Variants in NCALD observed in about 807,000 individuals in gnomAD.
NCALD encodes neurocalcin delta.
In NCALD, 10 loss-of-function variants were observed where a neutral mutation model predicts 18.6. That is an observed-to-expected ratio of 0.54 (90% CI 0.33 to 0.91). The LOEUF (loss-of-function observed/expected upper bound fraction) is 0.91. Among genes scored for constraint, NCALD ranks in the 40% least tolerant of loss-of-function variants. NCALD has a pLI of 0.03. For synonymous variants in NCALD, 88 were observed against 87.4 expected (o/e 1.01, Z -0.04); for missense variants, 184 against 247.6 (o/e 0.74, Z 1.72).
At chr8:102,018,730 GT>G (rs1441221601) in intron 2 of NCALD, among the ~76,000 whole-genome samples, 1 of 152,132 alleles carries the variant, frequency 6.6e-6, no homozygotes, top group Non-Finnish European at 1.5e-5. Flanking sequence ...TTTACCATGT[GT>G]TAATCATACC....
chr8:101,707,134 T>C (rs1267592899), intron 2 of NCALD, among the ~76,000 whole-genome samples: 1 of 152,082 alleles, frequency 6.6e-6, no homozygotes, highest in Non-Finnish European at 1.5e-5. Flanking sequence ...CTCCTTTTTT[T>C]CCCCCAGAAT....
intron 1 of NCALD, among the ~76,000 whole-genome samples, chr8:102,051,678 G>A (rs1206024602): frequency 2.0e-5 from 3 of 152,096 alleles, no homozygotes. Context: ...ATGTTCCTGA[G>A]CTGACATTTG....
intron 2 of NCALD, among the ~76,000 whole-genome samples, chr8:101,999,417 G>C (rs1200526731): frequency 6.6e-6 from 1 of 152,154 alleles, no homozygotes; most frequent in Non-Finnish European, 1.5e-5. Flanking sequence ...AGTAACTCAG[G>C]AATGGAAAAC....
At chr8:101,936,025 G>A (rs1818750727) in intron 2 of NCALD, among the ~76,000 whole-genome samples, 1 of 152,038 alleles carries the variant, frequency 6.6e-6, no homozygotes, top group African/African-American at 2.4e-5. Flanking sequence ...CAGATGCAGG[G>A]AGGTGAATAG....
intron 1 of NCALD, among the ~76,000 whole-genome samples, chr8:102,057,285 C>CACACACACACAT (rs1318802584): frequency 1.3e-5 from 2 of 151,074 alleles, no homozygotes; most frequent in African/African-American, 4.9e-5. Context: ...CACACACACA[C>CACACACACACAT]ATATGTACAT....
In NCALD at chr8:102,014,399, G is replaced by A. The variant is rs113458647; in HGVS notation, c.-157+5838C>T. Among the ~76,000 whole-genome samples the A allele has an allele frequency of 4.0e-3, 612 of 152,112 alleles. 4 individuals carry two copies. Among genetic ancestry groups the A allele is most frequent in the African/African-American group, 0.014 (571 of 41,492 alleles). ...TTCATGATCTAATCACCTCCCAAAG[G>A]CTCTCCCTCTTAAAACCATCTCTTT... On this transcript the variant is annotated intron_variant, in intron 2 of 6. Coordinates refer to the NCALD transcript ENST00000311028.
intron 4 of NCALD, among the ~76,000 whole-genome samples, chr8:101,838,347 G>A (rs767623958): frequency 8.5e-5 from 13 of 152,074 alleles, no homozygotes; most frequent in Non-Finnish European, 1.3e-4. Context: ...TCAGCCTCCC[G>A]AGTAGCTGGG....
chr8:102,071,721 G>A (rs1013410539), intron 1 of NCALD, among the ~76,000 whole-genome samples: 11 of 64,004 alleles, frequency 1.7e-4, no homozygotes, highest in South Asian at 7.7e-4. Flanking sequence ...ATCAGAAAAC[G>A]AAATTTTAAA....
chr8:101,892,173 G>T (rs555477926), intron 3 of NCALD, among the ~76,000 whole-genome samples: 2 of 147,906 alleles, frequency 1.4e-5, no homozygotes, highest in Non-Finnish European at 3.0e-5. Flanking sequence ...TCTGAGAACC[G>T]GCAGACTGCC....
intron 1 of NCALD, among the ~76,000 whole-genome samples, chr8:102,039,611 C>G (rs1249960655): frequency 6.6e-6 from 1 of 152,148 alleles, no homozygotes; most frequent in Non-Finnish European, 1.5e-5. Context: ...CTGCCACTTA[C>G]TAGATGAGCT....
At chr8:102,048,960 T>A (rs1823339624) in intron 1 of NCALD, among the ~76,000 whole-genome samples, 1 of 152,208 alleles carries the variant, frequency 6.6e-6, no homozygotes, top group East Asian at 1.9e-4. Context: ...GCAAAGCCTG[T>A]AACAGCCTTA....
intron 2 of NCALD, among the ~76,000 whole-genome samples, chr8:101,922,134 T>C (rs1227039241): frequency 6.7e-6 from 1 of 149,340 alleles, no homozygotes. Flanking sequence ...TAACTCAATT[T>C]TAGACTTTGA....
At chr8:101,974,803 G>A (rs1820363947) in intron 2 of NCALD, among the ~76,000 whole-genome samples, 1 of 152,060 alleles carries the variant, frequency 6.6e-6, no homozygotes, top group Admixed American at 6.6e-5. Context: ...AAAGATCTAT[G>A]GGAAAACACC....
At chr8:101,843,582 G>T (rs377479215) in intron 4 of NCALD, among the ~76,000 whole-genome samples, 199 of 125,012 alleles carry the variant, frequency 1.6e-3, no homozygotes, top group South Asian at 2.6e-3. Context: ...TTTAAAAATT[G>T]TTTTTTTTTT....
chr8:101,808,251 C>G (rs367910722), intron 4 of NCALD, among the ~76,000 whole-genome samples: 2 of 152,226 alleles, frequency 1.3e-5, no homozygotes, highest in East Asian at 3.9e-4. Context: ...TGAATACTTT[C>G]CAGTAACAGT....
chr8:101,755,753 T>G (rs965297352), intron 1 of NCALD, among the ~76,000 whole-genome samples: 2 of 152,234 alleles, frequency 1.3e-5, no homozygotes. Flanking sequence ...CACTCCTTTG[T>G]AAACAGCAAA....
At chr8:101,970,370 G>C (rs567269328) in intron 2 of NCALD, among the ~76,000 whole-genome samples, 4 of 152,022 alleles carry the variant, frequency 2.6e-5, no homozygotes, top group African/African-American at 4.8e-5. Flanking sequence ...TTGTAATAGT[G>C]CTATAATAAC....
chr8:102,087,449 G>C (rs1168253486), intron 1 of NCALD, among the ~76,000 whole-genome samples: 1 of 152,120 alleles, frequency 6.6e-6, no homozygotes, highest in Non-Finnish European at 1.5e-5. Flanking sequence ...GGATGGGATT[G>C]GGTTAGAGAC....
chr8:102,082,906 A>T (rs963636590), intron 1 of NCALD, among the ~76,000 whole-genome samples: 42 of 152,354 alleles, frequency 2.8e-4, no homozygotes, highest in African/African-American at 1.0e-3. Flanking sequence ...GTTCTGACTC[A>T]AATAATTTGC....
Sources: gnomAD v4.1 joint callset for allele counts (sites outside exome capture counted in the v4.1 genomes callset) on GRCh38, gnomAD v4.1.1 for gene constraint, MANE v1.5 for transcripts, NCBI Gene and HGNC (gene_info 2026-07-23, HGNC 2026-07-21) for gene names.